Variants in ZNF430 observed in about 807,000 individuals in gnomAD.
ZNF430 encodes zinc finger protein 430.
In ZNF430, 35 loss-of-function variants were observed where a neutral mutation model predicts 56.7. The ratio of observed to expected loss-of-function variants is 0.62; its 90% CI spans 0.47 to 0.82. ZNF430 has a LOEUF of 0.82. Among genes scored for constraint, ZNF430 ranks in the 40% least tolerant of loss-of-function variants. The pLI is 0.00. For missense variants in ZNF430, 574 were observed against 661.0 expected (o/e 0.87, Z 1.44); for synonymous variants, 212 against 224.3 (o/e 0.94, Z 0.49).
chr19:21,051,189 C>G (rs537645650), intron 4 of ZNF430, among the ~76,000 whole-genome samples: 1 of 152,202 alleles, frequency 6.6e-6, no homozygotes, highest in South Asian at 2.1e-4. Flanking sequence ...TCTGTTTTCT[C>G]TTTCTAAGAG....
rs1225373117 is a variant in ZNF430, at chr19:21,020,693, C to T, written c.-108C>T. On this transcript the variant is annotated 5_prime_UTR_variant, in exon 1 of 5. Coordinates refer to ENST00000261560, the MANE Select transcript of ZNF430 (RefSeq NM_025189.4). ...TGGCCTGAGCTCCAGGTCTCGTCTT[C>T]AGCGCTCTGTGTCCTCTGCTCCTAG... is the stretch of plus-strand genomic sequence containing the variant. 2.0e-6 allele frequency: 3 copies of T among 1,522,236 alleles called. No homozygotes were observed. The highest frequency in any genetic ancestry group is 1.8e-6 in the Non-Finnish European group (2 of 1,101,618). 94.3% of individuals were successfully genotyped at this position (1,522,236 alleles called of 1,614,324 possible).
At chr19:21,025,256 A>G (rs898828569) in intron 2 of ZNF430, among the ~76,000 whole-genome samples, 4 of 152,200 alleles carry the variant, frequency 2.6e-5, no homozygotes, top group African/African-American at 9.6e-5. Context: ...TTGCCTCCCA[A>G]TTAGACAATA....
At position 21,023,388 on chromosome 19, in the gene ZNF430, A is replaced by T. The variant is rs113575741; in HGVS notation, c.96+507A>T. On this transcript the variant is annotated intron_variant, in intron 2 of 4. Transcript: ENST00000261560. ...ATTTTAACCTCAGTTTTTTAGCTGT[A>T]AATTCTATTAGTAGGGCTTGAAAGG... Among the ~76,000 whole-genome samples, 128 of 152,338 alleles carry T rather than the reference A, an allele frequency of 8.4e-4. 1 individual carries two copies. The highest frequency in any genetic ancestry group is 2.6e-3 in the African/African-American group (109 of 41,578).
intron 4 of ZNF430, among the ~76,000 whole-genome samples, chr19:21,052,218 A>G (rs772370955): frequency 1.3e-5 from 2 of 152,080 alleles, no homozygotes; most frequent in South Asian, 4.1e-4. Context: ...ATTTGTTAAG[A>G]CTTCTTTTTT....
At position 21,026,827 on chromosome 19, in the gene ZNF430, C is replaced by CTTTTTTTTTTTTTTTTTTTTTTT. The variant is rs747809260; in HGVS notation, c.96+3947_96+3969dup. The stretch of plus-strand genomic sequence containing the variant: ...TTGGATGCCTTTTTTCTTTTCTTTT[C>CTTTTTTTTTTTTTTTTTTTTTTT]TTTTTTTTTTTTTTTTTTTTTTTGA... On this transcript the variant is annotated intron_variant, in intron 2 of 4. Coordinates refer to ENST00000261560, the MANE Select transcript of ZNF430 (RefSeq NM_025189.4). Among the ~76,000 whole-genome samples the CTTTTTTTTTTTTTTTTTTTTTTT allele has an allele frequency of 7.5e-3, 513 of 68,718 alleles. 73 individuals carry two copies. The highest frequency in any genetic ancestry group is 0.022 in the Middle Eastern group (1 of 46). 45.1% of individuals were successfully genotyped at this position (68,718 alleles called of 152,430 possible).
intron 4 of ZNF430, chr19:21,036,138 G>A (rs1967995424): frequency 6.6e-6 from 1 of 152,102 alleles, no homozygotes; most frequent in Non-Finnish European, 1.5e-5. Flanking sequence ...TATAATTTTA[G>A]ACAGTTTGCA....
chr19:21,020,889 C>G lies in ZNF430; in HGVS notation c.3+86C>G, dbSNP rs368481918. ...GTGGCTGTGGCGGGACTCAGGCCTC[C>G]CGGCAGTCAGCTGCACAATCTGCGC... On this transcript the variant is annotated intron_variant, in intron 1 of 4. Transcript: ENST00000261560. 3.6e-4 allele frequency: 561 copies of G among 1,575,880 alleles called. 1 individual carries two copies. Among genetic ancestry groups the G allele is most frequent in the Middle Eastern group, 1.5e-3 (9 of 5,984 alleles).
intron 2 of ZNF430, among the ~76,000 whole-genome samples, chr19:21,032,916 G>A (rs752375599): frequency 1.1e-4 from 16 of 152,140 alleles, no homozygotes; most frequent in Admixed American, 1.3e-4. Context: ...TGTAAATATA[G>A]CACTCGAAGT....
At chr19:21,054,856 A>G (rs1013935828) in intron 4 of ZNF430, among the ~76,000 whole-genome samples, 4 of 150,942 alleles carry the variant, frequency 2.7e-5, no homozygotes, top group African/African-American at 7.3e-5. Flanking sequence ...TTCTTTTTTT[A>G]GTAGAGACAA....
intron 4 of ZNF430, among the ~76,000 whole-genome samples, chr19:21,054,359 T>C (rs1372301747): frequency 6.6e-6 from 1 of 151,990 alleles, no homozygotes; most frequent in Non-Finnish European, 1.5e-5. Flanking sequence ...TTTCAGAATT[T>C]GGTTATTTTT....
At chr19:21,049,197 A>AT (rs11390222) in intron 4 of ZNF430, among the ~76,000 whole-genome samples, 2 of 148,216 alleles carry the variant, frequency 1.3e-5, no homozygotes, top group Non-Finnish European at 3.0e-5. Context: ...AAAAAAAAAA[A>AT]GTAAAAAAGA....
intron 2 of ZNF430, among the ~76,000 whole-genome samples, chr19:21,028,884 C>T (rs913218976): frequency 6.6e-6 from 1 of 151,576 alleles, no homozygotes; most frequent in African/African-American, 2.4e-5. Context: ...CAGGGTTTCA[C>T]CATATTGCAC....
chr19:21,056,931 A>C lies in ZNF430; in HGVS notation c.623A>C (p.Lys208Thr). 1.9e-6 allele frequency: 3 copies of C among 1,613,318 alleles called. No individual in the cohort carries two copies. Among genetic ancestry groups the C allele is most frequent in the Non-Finnish European group, 2.5e-6 (3 of 1,179,706 alleles). ...ACTGGAAAGAAGCCTTTCAAATGTAAAAAATGTGACAAATCGTTTTGCATG... is the reference window on the plus strand; with the variant it reads ...ACTGGAAAGAAGCCTTTCAAATGTACAAAATGTGACAAATCGTTTTGCATG... ...RHTGKKPFKC[K>T]KCDKSFCMLL... is the part of the protein sequence containing the mutation. The change falls in exon 5 of 5, where the codon AAA (lysine) becomes ACA (threonine). Residue 208 changes from lysine (K) to threonine (T), a missense_variant. Transcript: ENST00000261560.
chr19:21,057,979 T>C lies in ZNF430; in HGVS notation c.1671T>C (p.Ile557=), dbSNP rs867035104. ...GKAFNQSSNL[I]EQSNSYWRET... ...CTTTCAACCAGTCCTCAAACCTTAT[T>C]GAACAAAGTAATTCATACTGGAGAG... Residue 557 remains isoleucine (I), a synonymous_variant, in exon 5 of 5, where the codon ATT becomes ATC. Coordinates refer to ENST00000261560, the MANE Select transcript of ZNF430 (RefSeq NM_025189.4). The C allele has an allele frequency of 5.0e-6, 8 of 1,606,572 alleles. No individual in the cohort carries two copies. In the Middle Eastern group the frequency reaches 1.3e-3, roughly 268 times the overall value.
chr19:21,034,230 A>G, intron 4 of ZNF430, 46 bp downstream of exon 4: 2 of 1,298,220 alleles, frequency 1.5e-6, no homozygotes, highest in East Asian at 4.8e-5. Context: ...AGAGGTCCAA[A>G]AAAGAAGAAA....
chr19:21,026,183 C>G lies in ZNF430; in HGVS notation c.96+3302C>G, dbSNP rs1967790937. On this transcript the variant is annotated intron_variant, in intron 2 of 4. Transcript: ENST00000261560. ...ATGAGCCATCATGCCTGGCCGTAATCTCTGACTTTTTTTTTTTTTTCTTGA... is the reference window on the plus strand; with the variant it reads ...ATGAGCCATCATGCCTGGCCGTAATGTCTGACTTTTTTTTTTTTTTCTTGA... 5.6e-5 allele frequency: 9 copies of G among 162,036 alleles called. No homozygotes were observed. In the Admixed American group the frequency reaches 5.9e-4, roughly 11 times the overall value. 10.0% of individuals were successfully genotyped at this position (162,036 alleles called of 1,614,324 possible).
chr19:21,020,835 G>A lies in ZNF430; in HGVS notation c.3+32G>A, dbSNP rs1446468311. The stretch of plus-strand genomic sequence containing the variant: ...GTGCCGGGTCCGACATCCCCAGAGA[G>A]GGGAGGGGCTGGTTGTAATGGGTGG... On this transcript the variant is annotated intron_variant, in intron 1 of 4. Coordinates refer to ENST00000261560, the MANE Select transcript of ZNF430 (RefSeq NM_025189.4). 2.5e-6 allele frequency: 4 copies of A among 1,613,594 alleles called. No individual in the cohort carries two copies. In the African/African-American group the frequency reaches 5.3e-5, roughly 22 times the overall value.
rs1307130962 is a variant in ZNF430, at chr19:21,054,319, A to G, written c.323-2312A>G. Among the ~76,000 whole-genome samples, 4 of 151,840 alleles carry G rather than the reference A, an allele frequency of 2.6e-5. No individual in the cohort carries two copies. The South Asian group carries it at 8.3e-4, about 31-fold the overall frequency. The stretch of plus-strand genomic sequence containing the variant: ...GCAACTGCTTTTAGCATCTTTTTAT[A>G]TGTAGAGCATACGGAGTACCAATGC... On this transcript the variant is annotated intron_variant, in intron 4 of 4. Transcript: ENST00000261560.
intron 2 of ZNF430, among the ~76,000 whole-genome samples, chr19:21,024,245 A>G (rs867146850): frequency 9.8e-5 from 15 of 152,314 alleles, no homozygotes; most frequent in South Asian, 6.2e-4. Flanking sequence ...GGGGACCCAC[A>G]GGCAGATGCA....
Sources: gnomAD v4.1 joint callset for allele counts (sites outside exome capture counted in the v4.1 genomes callset) on GRCh38, gnomAD v4.1.1 for gene constraint, MANE v1.5 for transcripts, NCBI Gene and HGNC (gene_info 2026-07-23, HGNC 2026-07-21) for gene names.